The following NLRP11 variants were observed in gnomAD, a reference collection of about 807,000 sequenced individuals.
NLRP11 encodes NACHT, LRR and PYD domains-containing protein 11.
NLRP11 carries 53 observed loss-of-function variants against 79.3 expected under a neutral mutation model. That is an observed-to-expected ratio of 0.67 (90% CI 0.54 to 0.84). The LOEUF is 0.84. NLRP11 is among the 40% of genes least tolerant of loss of function. The probability of loss-of-function intolerance (pLI) is 0.00; values close to 1 mark genes in which losing one functional copy is unlikely to be tolerated. For missense variants in NLRP11, 1,264 were observed against 1,255.0 expected (o/e 1.01, Z -0.11); for synonymous variants, 518 against 462.6 (o/e 1.12, Z -1.54).
intron 1 of NLRP11, among the ~76,000 whole-genome samples, chr19:55,820,799 G>A (rs1388169833): frequency 6.6e-6 from 1 of 152,154 alleles, no homozygotes; most frequent in Non-Finnish European, 1.5e-5. Context: ...ATACTATTGA[G>A]ATAAAAAGCA....
intron 1 of NLRP11, among the ~76,000 whole-genome samples, chr19:55,821,205 T>TCACACACACACA (rs950312294): frequency 5.9e-5 from 5 of 85,220 alleles, no homozygotes; most frequent in Non-Finnish European, 9.0e-5. Context: ...TCTCTCTCTC[T>TCACACACACACA]CACACACACA....
At chr19:55,810,641 C>T (rs1327876812) in intron 2 of NLRP11, among the ~76,000 whole-genome samples, 3 of 152,126 alleles carry the variant, frequency 2.0e-5, no homozygotes, top group African/African-American at 4.8e-5. Context: ...GGATTACAGG[C>T]GTGCACCACC....
rs71368871 is a variant in NLRP11, at chr19:55,786,405, G to A, written c.2856-534C>T. On this transcript the variant is annotated intron_variant, in intron 9 of 9. Coordinates refer to ENST00000589093, the Ensembl canonical transcript of NLRP11. ...CCGGGTGTGGTGGTGCGTGCCTGTG[G>A]TCCCAGCTATTTGGGAGGCTGAGGT... Among the ~76,000 whole-genome samples the A allele has an allele frequency of 6.4e-3, 966 of 152,102 alleles. 5 individuals carry two copies. Among genetic ancestry groups the A allele is most frequent in the Non-Finnish European group, 0.01 (696 of 67,998 alleles).
intron 9 of NLRP11, among the ~76,000 whole-genome samples, chr19:55,786,521 GAAAA>G (rs57523493): frequency 1.4e-5 from 2 of 146,096 alleles, no homozygotes; most frequent in South Asian, 4.3e-4. Flanking sequence ...ACCCTAACTA[GAAAA>G]AAAAAAAATT....
At chr19:55,812,601 G>A (rs1368412125) in intron 2 of NLRP11, among the ~76,000 whole-genome samples, 2 of 152,154 alleles carry the variant, frequency 1.3e-5, no homozygotes, top group Non-Finnish European at 2.9e-5. Context: ...GGTAAGTGTG[G>A]GTGAAGATGT....
intron 9 of NLRP11, among the ~76,000 whole-genome samples, chr19:55,787,947 T>G (rs1238597437): frequency 1.3e-5 from 2 of 152,178 alleles, no homozygotes; most frequent in Non-Finnish European, 2.9e-5. Flanking sequence ...CCTTCAGATT[T>G]GACCCTAGCC....
exon 2 of NLRP11, chr19:55,817,970 G>A (rs1981310617): frequency 2.5e-6 from 4 of 1,612,944 alleles, no homozygotes; most frequent in South Asian, 1.1e-5. Flanking sequence ...ATGCTGAAGA[G>A]CATATTCCAT....
chr19:55,791,216 T>G (rs1294023359), intron 7 of NLRP11, among the ~76,000 whole-genome samples: 1 of 152,166 alleles, frequency 6.6e-6, no homozygotes, highest in Non-Finnish European at 1.5e-5. Context: ...AAAAGGTTTC[T>G]AACCCCTATT....
intron 6 of NLRP11, 74 bp from the exon 7 acceptor site, chr19:55,792,545 C>G: frequency 1.7e-6 from 2 of 1,146,240 alleles, no homozygotes; most frequent in Non-Finnish European, 2.6e-6. Flanking sequence ...ACCCACCCCA[C>G]GCCCACGGGC....
At chr19:55,791,675 T>A (rs1038400777) in intron 7 of NLRP11, among the ~76,000 whole-genome samples, 7 of 152,222 alleles carry the variant, frequency 4.6e-5, no homozygotes, top group African/African-American at 1.7e-4. Flanking sequence ...AAACAATTTT[T>A]TTTTCAGGCA....
chr19:55,811,705 C>T (rs1980620806), intron 2 of NLRP11, among the ~76,000 whole-genome samples: 1 of 151,950 alleles, frequency 6.6e-6, no homozygotes, highest in Non-Finnish European at 1.5e-5. Context: ...TTCAAAGAAG[C>T]AGAAAGCCAT....
At chr19:55,802,162 G>A (rs299175) in intron 4 of NLRP11, among the ~76,000 whole-genome samples, 64,975 of 151,934 alleles carry the variant, frequency 0.43, 13,943 homozygotes, top group Non-Finnish European at 0.45. Flanking sequence ...AGCAGTCCCA[G>A]CCAGAGCAAT....
intron 2 of NLRP11, among the ~76,000 whole-genome samples, chr19:55,815,663 G>A (rs1981045793): frequency 6.6e-6 from 1 of 152,150 alleles, no homozygotes; most frequent in African/African-American, 2.4e-5. Flanking sequence ...AGGAGTGGCT[G>A]GAGAGTATTA....
intron 6 of NLRP11, among the ~76,000 whole-genome samples, chr19:55,792,949 T>C (rs1978420603): frequency 6.6e-6 from 1 of 152,246 alleles, no homozygotes; most frequent in South Asian, 2.1e-4. Flanking sequence ...TATCCCGTTT[T>C]GTCTGTCCAG....
At chr19:55,835,282 G>A (rs1027853069), upstream of NLRP11, among the ~76,000 whole-genome samples, 1 of 152,226 alleles carries the variant, frequency 6.6e-6, no homozygotes, top group Non-Finnish European at 1.5e-5. Flanking sequence ...GAAGATGACT[G>A]TAACGATTGT....
At chr19:55,833,144 T>A (rs1982942077), upstream of NLRP11, among the ~76,000 whole-genome samples, 1 of 152,208 alleles carries the variant, frequency 6.6e-6, no homozygotes, top group Non-Finnish European at 1.5e-5. Context: ...ATAATTCTTA[T>A]AAGAGATTGT....
Position 55,808,794 on chromosome 19 carries a change from CTT to C in NLRP11, c.1814_1815del (p.Lys605ArgfsTer9). Reference sequence around the variant, plus strand: ...CTAGCAGTTGGCCTTATAAGTGGCTCTTTGTTTTGAAAGATGCGCTGAACACT... The same window carrying C: ...CTAGCAGTTGGCCTTATAAGTGGCTCTGTTTTGAAAGATGCGCTGAACACT... On this transcript the variant is annotated frameshift_variant, in exon 3 of 10. Coordinates refer to ENST00000589093, the Ensembl canonical transcript of NLRP11. LOFTEE classifies it high-confidence loss of function. 1 of 1,609,932 alleles carries C rather than the reference CTT, an allele frequency of 6.2e-7. No individual in the cohort carries two copies. Among genetic ancestry groups the C allele is most frequent in the East Asian group, 2.2e-5 (1 of 44,840 alleles).
At chr19:55,810,009 C>T (rs761619371) in exon 3 of NLRP11, 7 of 1,614,210 alleles carry the variant, frequency 4.3e-6, no homozygotes, top group South Asian at 1.1e-5. Context: ...GCGATTAGCT[C>T]AGCCAAGCTG....
chr19:55,798,824 A>G (rs1396533029), intron 5 of NLRP11, among the ~76,000 whole-genome samples: 3 of 152,120 alleles, frequency 2.0e-5, no homozygotes, highest in Admixed American at 1.3e-4. Flanking sequence ...ACTCTTTTCC[A>G]TGTAGCAAGC....
Sources: gnomAD v4.1 joint callset for allele counts (sites outside exome capture counted in the v4.1 genomes callset) on GRCh38, gnomAD v4.1.1 for gene constraint, MANE v1.5 for transcripts, NCBI Gene and HGNC (gene_info 2026-07-23, HGNC 2026-07-21) for gene names.